BTBD9: variants seen among roughly 807,000 people sequenced by gnomAD.
The protein encoded by BTBD9 is BTB domain containing 9.
Under a neutral mutation model 64.3 loss-of-function variants are expected in BTBD9, and 49 were observed. That is an observed-to-expected ratio of 0.76 (90% CI 0.61 to 0.97). BTBD9 has a LOEUF of 0.97. Ranked by LOEUF, BTBD9 falls within the 50% of genes least tolerant of loss-of-function variation. The probability of loss-of-function intolerance (pLI) is 0.00; values close to 1 mark genes in which losing one functional copy is unlikely to be tolerated. For missense variants in BTBD9, 598 were observed against 762.1 expected, an observed-to-expected ratio of 0.78 and a Z score of 2.53; for synonymous variants, 260 against 274.7, an observed-to-expected ratio of 0.95 and a Z score of 0.53.
chr6:38,316,393 T>G (rs1025352269), intron 7 of BTBD9, among the ~76,000 whole-genome samples: 9 of 152,182 alleles, frequency 5.9e-5, no homozygotes, highest in Non-Finnish European at 1.0e-4. Context: ...TTCTGTCATC[T>G]TTTTAGTGAA....
At chr6:38,412,970 T>C (rs1767504354) in intron 6 of BTBD9, among the ~76,000 whole-genome samples, 1 of 152,214 alleles carries the variant, frequency 6.6e-6, no homozygotes, top group East Asian at 1.9e-4. Context: ...TAGTTGCACA[T>C]GGACTATATA....
chr6:38,567,597 T>G (rs892983467), intron 6 of BTBD9, among the ~76,000 whole-genome samples: 3 of 152,166 alleles, frequency 2.0e-5, no homozygotes, highest in South Asian at 4.1e-4. Context: ...GAGCCCTCTA[T>G]TTTCATACTG....
intron 6 of BTBD9, among the ~76,000 whole-genome samples, chr6:38,549,265 A>G (rs1426343988): frequency 6.6e-6 from 1 of 152,250 alleles, no homozygotes; most frequent in Non-Finnish European, 1.5e-5. Context: ...ATGAATCTCT[A>G]TCACCCAACC....
intron 6 of BTBD9, among the ~76,000 whole-genome samples, chr6:38,426,629 C>A (rs1582411041): frequency 6.6e-6 from 1 of 152,024 alleles, no homozygotes; most frequent in South Asian, 2.1e-4. Flanking sequence ...GCGCCTATTG[C>A]CACTCCCGAT....
At chr6:38,239,939 C>T (rs1361451159) in intron 9 of BTBD9, among the ~76,000 whole-genome samples, 1 of 152,210 alleles carries the variant, frequency 6.6e-6, no homozygotes, top group Non-Finnish European at 1.5e-5. Context: ...AGCAGCCTGG[C>T]ACTGGCACAG....
chr6:38,504,610 C>T lies in BTBD9; in HGVS notation c.1154+72990G>A, dbSNP rs140105961. 718 of 456,278 alleles carry T rather than the reference C, an allele frequency of 1.6e-3. 4 individuals are homozygous for T. Among genetic ancestry groups the T allele is most frequent in the African/African-American group, 0.013 (653 of 50,114 alleles). 28.3% of individuals were successfully genotyped at this position (456,278 alleles called of 1,614,324 possible). ...TTTAGGCTTTGGGGGAAGTTATTAA[C>T]AATATAGTTTAAAATTATATAAAAT... On this transcript the variant is annotated intron_variant, in intron 6 of 10. Transcript: ENST00000481247.
intron 8 of BTBD9, among the ~76,000 whole-genome samples, chr6:38,270,766 C>G (rs1765173204): frequency 6.6e-6 from 1 of 152,150 alleles, no homozygotes; most frequent in African/African-American, 2.4e-5. Flanking sequence ...ATTAGGACCA[C>G]AAAGGGTTGC....
chr6:38,374,296 T>TACATATATATATATATATATATATAC (rs1491482634), intron 6 of BTBD9, among the ~76,000 whole-genome samples: 6 of 70,638 alleles, frequency 8.5e-5, no homozygotes, highest in East Asian at 5.7e-4. Flanking sequence ...TATATATATA[T>TACATATATATATATATATATATATAC]GTATATATAT....
At chr6:38,477,231 A>G (rs1343564913) in intron 6 of BTBD9, among the ~76,000 whole-genome samples, 1 of 152,242 alleles carries the variant, frequency 6.6e-6, no homozygotes, top group Non-Finnish European at 1.5e-5. Context: ...ATTAGAGGAG[A>G]GTAAAGTAAT....
intron 9 of BTBD9, among the ~76,000 whole-genome samples, chr6:38,221,552 A>C (rs1025990217): frequency 6.6e-6 from 1 of 152,220 alleles, no homozygotes; most frequent in Non-Finnish European, 1.5e-5. Flanking sequence ...GAACCATTGC[A>C]TTGAAATAAT....
At chr6:38,515,352 G>C (rs568389037) in intron 6 of BTBD9, among the ~76,000 whole-genome samples, 19 of 152,260 alleles carry the variant, frequency 1.2e-4, no homozygotes, top group South Asian at 8.3e-4. Context: ...CATACAAACA[G>C]AGCCTGGGGC....
At chr6:38,331,127 T>C (rs1763659351) in intron 7 of BTBD9, among the ~76,000 whole-genome samples, 1 of 152,158 alleles carries the variant, frequency 6.6e-6, no homozygotes, top group Non-Finnish European at 1.5e-5. Flanking sequence ...AGAGAAGACA[T>C]TTGCAATGTA....
chr6:38,188,473 C>T (rs539865298), intron 10 of BTBD9, among the ~76,000 whole-genome samples: 4 of 152,360 alleles, frequency 2.6e-5, no homozygotes, highest in African/African-American at 9.6e-5. Flanking sequence ...CTGGGCCATT[C>T]GGCAAAGCGT....
chr6:38,491,275 T>C (rs879448766), intron 6 of BTBD9, among the ~76,000 whole-genome samples: 61 of 152,208 alleles, frequency 4.0e-4, no homozygotes, highest in Non-Finnish European at 3.1e-4. Context: ...ATATGTGCTT[T>C]GAAGTATTAA....
intron 7 of BTBD9, among the ~76,000 whole-genome samples, chr6:38,317,241 A>C (rs1763062275): frequency 1.3e-5 from 2 of 151,950 alleles, no homozygotes; most frequent in African/African-American, 4.8e-5. Flanking sequence ...GTGATCTACC[A>C]GCCTCGGCCT....
At chr6:38,605,709 T>A (rs1402392371) in intron 1 of BTBD9, among the ~76,000 whole-genome samples, 1 of 152,110 alleles carries the variant, frequency 6.6e-6, no homozygotes, top group Admixed American at 6.5e-5. Context: ...TCCCAGCTAC[T>A]AGGGAGGCTG....
intron 6 of BTBD9, among the ~76,000 whole-genome samples, chr6:38,368,938 T>C (rs993105759): frequency 1.3e-5 from 2 of 152,204 alleles, no homozygotes; most frequent in Non-Finnish European, 2.9e-5. Context: ...AGATGTCCCA[T>C]AGACACTTCA....
At chr6:38,334,575 AATAACATAAC>A (rs372624753) in intron 7 of BTBD9, among the ~76,000 whole-genome samples, 14,555 of 142,412 alleles carry the variant, frequency 0.1, 1,113 homozygotes, top group African/African-American at 0.21. Context: ...TCTCAAAAAT[AATAACATAAC>A]ATAACATAAC....
Position 38,570,024 on chromosome 6 carries a change from G to A in BTBD9, c.1154+7576C>T, listed in dbSNP as rs76070569. 2.3e-3 allele frequency among the ~76,000 whole-genome samples: 351 copies of A among 152,232 alleles called. 8 individuals are homozygous for A. Among genetic ancestry groups the A allele is most frequent in the Non-Finnish European group, 1.6e-3 (106 of 68,008 alleles). The stretch of plus-strand genomic sequence containing the variant: ...TAATACTCTAAAATGATCTTATGGA[G>A]AACTAAGGGGCAGGAAAATTCGAAG... On this transcript the variant is annotated intron_variant, in intron 6 of 10. Transcript: ENST00000481247.
Sources: allele counts gnomAD v4.1 joint callset (sites outside exome capture counted in the v4.1 genomes callset), GRCh38; gene constraint gnomAD v4.1.1; transcripts MANE v1.5; gene names NCBI Gene and HGNC (gene_info 2026-07-23, HGNC 2026-07-21).